Variants in USP9X observed in about 807,000 individuals in gnomAD.
The protein encoded by USP9X is ubiquitin specific peptidase 9 X-linked.
In USP9X, 7 loss-of-function variants were observed where a neutral mutation model predicts 190.3. The ratio of observed to expected loss-of-function variants is 0.04; its 90% CI spans 0.02 to 0.07. The LOEUF is 0.07. Among genes scored for constraint, USP9X ranks in the 10% least tolerant of loss-of-function variants. The pLI, the probability that USP9X is intolerant of heterozygous loss-of-function variation, is 1.00. For missense variants in USP9X, 1,010 were observed against 1,916.9 expected, an observed-to-expected ratio of 0.53 and a Z score of 8.83; for synonymous variants, 645 against 659.5, an observed-to-expected ratio of 0.98 and a Z score of 0.34.
chrX:41,154,775 A>G (rs998414336), intron 14 of USP9X, among the ~76,000 whole-genome samples: 5 of 111,293 alleles, frequency 4.5e-5, no homozygotes, highest in Non-Finnish European at 9.4e-5. Flanking sequence ...CACATAGTAA[A>G]TTCCCCTCTG....
At chrX:41,151,230 T>C (rs867658636) in intron 13 of USP9X, among the ~76,000 whole-genome samples, 173 bp downstream of exon 13, 1 of 106,157 alleles carries the variant, frequency 9.4e-6, no homozygotes, top group East Asian at 2.9e-4. Context: ...CCTTTTTTTT[T>C]ATTAATGAGG....
At chrX:41,230,692 A>C in intron 44 of USP9X, 96 bp downstream of exon 44, 1 of 743,833 alleles carries the variant, frequency 1.3e-6, no homozygotes, top group Admixed American at 2.9e-5. Context: ...CTACAAAGTA[A>C]GAAGTAGGAT....
At chrX:41,224,654 T>G in intron 39 of USP9X, 88 bp from the exon 40 acceptor site, 2 of 849,363 alleles carry the variant, frequency 2.4e-6, no homozygotes, top group East Asian at 3.2e-5. Flanking sequence ...TAAAAAAAAA[T>G]TATAGGCTAT....
chrX:41,180,599 A>G (rs1602006642), intron 21 of USP9X, among the ~76,000 whole-genome samples: 1 of 112,376 alleles, frequency 8.9e-6, no homozygotes, highest in Non-Finnish European at 1.9e-5. Flanking sequence ...TTGCTACTCT[A>G]TGGCGTTAAA....
At chrX:41,136,550 T>C (rs759725793) in intron 5 of USP9X, among the ~76,000 whole-genome samples, 3 of 112,278 alleles carry the variant, frequency 2.7e-5, no homozygotes, top group Non-Finnish European at 5.6e-5. Context: ...CCTGTGGACG[T>C]AGAGCAGGAA....
At chrX:41,168,652 C>T (rs1000571354) in intron 18 of USP9X, among the ~76,000 whole-genome samples, 1 of 111,934 alleles carries the variant, frequency 8.9e-6, no homozygotes, top group African/African-American at 3.2e-5. Context: ...GCTACCACAC[C>T]TGGCTAATTT....
intron 5 of USP9X, among the ~76,000 whole-genome samples, chrX:41,135,121 A>T (rs2147029454): frequency 9.0e-6 from 1 of 111,523 alleles, no homozygotes; most frequent in South Asian, 3.8e-4. Flanking sequence ...TGAAAATGTA[A>T]TGCTATCAAT....
chrX:41,181,336 C>T (rs1324116348), intron 21 of USP9X, among the ~76,000 whole-genome samples: 1 of 94,902 alleles, frequency 1.1e-5, no homozygotes, highest in Non-Finnish European at 2.1e-5. Flanking sequence ...TAGAGTGCAG[C>T]AGCATGATCC....
intron 31 of USP9X, among the ~76,000 whole-genome samples, chrX:41,202,115 A>G (rs1381300058): frequency 1.8e-5 from 2 of 112,429 alleles, no homozygotes; most frequent in African/African-American, 6.5e-5. Flanking sequence ...TTAATTTTCT[A>G]TTTTATGCCA....
At chrX:41,152,090 T>C (rs1168659144) in intron 13 of USP9X, among the ~76,000 whole-genome samples, 2 of 112,355 alleles carry the variant, frequency 1.8e-5, no homozygotes, top group African/African-American at 6.5e-5. Flanking sequence ...CAGACAGAAA[T>C]AGAAAAGGTC....
At chrX:41,172,930 C>T (rs917206785) in intron 21 of USP9X, among the ~76,000 whole-genome samples, 9 of 111,477 alleles carry the variant, frequency 8.1e-5, no homozygotes, top group African/African-American at 2.6e-4. Flanking sequence ...TTTATCCTTA[C>T]GTTTTGAAAT....
chrX:41,223,300 C>G lies in USP9X; in HGVS notation c.6649C>G (p.Pro2217Ala). 8.3e-7 allele frequency: 1 copy of G among 1,211,566 alleles called. No homozygotes were observed. Among genetic ancestry groups the G allele is most frequent in the Non-Finnish European group, 1.1e-6 (1 of 895,326 alleles). ...LVSLDEGPGP[P>A]IKYQYAELGK... is the part of the protein sequence containing the mutation. The stretch of plus-strand genomic sequence containing the variant: ...GTCTTTAGATGAAGGTCCAGGTCCT[C>G]CAATCAAATACCAGTATGCTGAATT... The change falls in exon 39 of 45, where the codon CCA (proline) becomes GCA (alanine). Residue 2217 changes from proline to alanine, a missense_variant. Pro to Ala is a conservative substitution (Grantham distance 27). This residue lies in a region of USP9X where 121 missense variants were observed against 281.2 expected (regional missense o/e 0.43). Coordinates refer to ENST00000378308, the MANE Select transcript of USP9X (RefSeq NM_001039591.3).
intron 1 of USP9X, among the ~76,000 whole-genome samples, chrX:41,099,096 GTTTTTTTTTTTTTT>G (rs34179321): frequency 2.3e-5 from 1 of 44,274 alleles, no homozygotes; most frequent in Non-Finnish European, 3.7e-5. Flanking sequence ...CCAGATAATT[GTTTTTTTTTTTTTT>G]TTTTTTTTTT....
intron 30 of USP9X, among the ~76,000 whole-genome samples, chrX:41,200,243 A>AT (rs2063029915): frequency 9.0e-6 from 1 of 110,705 alleles, no homozygotes; most frequent in Admixed American, 9.7e-5. Context: ...ATGGGGGTTA[A>AT]TTTTTTAATC....
intron 17 of USP9X, 26 bp from the exon 18 acceptor site, chrX:41,167,979 CTG>C (rs2062692311): frequency 8.7e-7 from 1 of 1,155,684 alleles, no homozygotes; most frequent in Non-Finnish European, 1.2e-6. Context: ...GCAATTTTAA[CTG>C]TGTTTATTTG....
chrX:41,180,740 T>C (rs1237611338), intron 21 of USP9X, among the ~76,000 whole-genome samples: 1 of 112,149 alleles, frequency 8.9e-6, no homozygotes, highest in Non-Finnish European at 1.9e-5. Flanking sequence ...GCACTTAGTA[T>C]TCATTAAACA....
At position 41,114,730 on chromosome X, in the gene USP9X, CGCCTCA is replaced by C. The variant is rs1256371440; in HGVS notation, c.-158-8735_-158-8730del. On this transcript the variant is annotated intron_variant, in intron 1 of 44. Coordinates refer to ENST00000378308, the MANE Select transcript of USP9X (RefSeq NM_001039591.3). Reference sequence around the variant, plus strand: ...AACTCCTGACTTCAAGTGATCCGCCCGCCTCAGCCTCCCAAAGTGCTGGGATTACAG... The same window carrying C: ...AACTCCTGACTTCAAGTGATCCGCCCGCCTCCCAAAGTGCTGGGATTACAG... Among the ~76,000 whole-genome samples, 47 of 108,930 alleles carry C rather than the reference CGCCTCA, an allele frequency of 4.3e-4. 1 individual carries two copies. Among genetic ancestry groups the C allele is most frequent in the African/African-American group, 1.4e-3 (43 of 29,961 alleles). The allele number at this position is 108,930 out of a possible 115,157, so 94.6% of individuals were successfully genotyped here.
At chrX:41,220,838 C>T (rs2063255670) in intron 38 of USP9X, among the ~76,000 whole-genome samples, 1 of 107,704 alleles carries the variant, frequency 9.3e-6, no homozygotes, top group South Asian at 4.1e-4. Flanking sequence ...ATCTGTAGTC[C>T]CAGCTATTCG....
chrX:41,230,668 A>G (rs763576484), intron 44 of USP9X, 72 bp downstream of exon 44: 32 of 904,266 alleles, frequency 3.5e-5, no homozygotes, highest in Non-Finnish European at 4.3e-5. Flanking sequence ...GGATGGCTCA[A>G]TTGTTTGTTG....
Sources: allele counts gnomAD v4.1 joint callset (sites outside exome capture counted in the v4.1 genomes callset), GRCh38; gene constraint gnomAD v4.1.1; regional missense constraint gnomAD v4.1.1; transcripts MANE v1.5; gene names NCBI Gene and HGNC (gene_info 2026-07-23, HGNC 2026-07-21).